Variants in FAM120A observed in about 807,000 individuals in gnomAD.
FAM120A encodes family with sequence similarity 120 member A.
In FAM120A, 15 loss-of-function variants were observed where a neutral mutation model predicts 109.7. The observed-to-expected ratio is 0.14, with a 90% CI of 0.09 to 0.21. The LOEUF (loss-of-function observed/expected upper bound fraction) is 0.21, where lower values mean the gene tolerates loss of function less well. Ranked by LOEUF, FAM120A falls within the 10% of genes least tolerant of loss-of-function variation. The pLI, the probability that FAM120A is intolerant of heterozygous loss-of-function variation, is 1.00. For missense variants in FAM120A, 899 were observed against 1,439.3 expected (o/e 0.62, Z 6.07); for synonymous variants, 493 against 572.8 (o/e 0.86, Z 1.99).
intron 7 of FAM120A, among the ~76,000 whole-genome samples, chr9:93,521,994 T>C (rs1860866746): frequency 6.6e-6 from 1 of 152,138 alleles, no homozygotes. Context: ...GTAGGAGAAT[T>C]GCTTGAACCT....
chr9:93,459,728 AG>A (rs1334948933), intron 1 of FAM120A, among the ~76,000 whole-genome samples: 1 of 140,496 alleles, frequency 7.1e-6, no homozygotes, highest in African/African-American at 3.0e-5. Context: ...CAGTGCCTGG[AG>A]GCATTTTTGG....
chr9:93,495,110 G>A (rs572091039), intron 3 of FAM120A, among the ~76,000 whole-genome samples: 1 of 152,200 alleles, frequency 6.6e-6, no homozygotes, highest in Non-Finnish European at 1.5e-5. Flanking sequence ...GGCATTGTGT[G>A]GTGGGCAGCA....
chr9:93,491,511 A>T (rs1859320520), intron 3 of FAM120A, among the ~76,000 whole-genome samples: 1 of 152,226 alleles, frequency 6.6e-6, no homozygotes, highest in Non-Finnish European at 1.5e-5. Flanking sequence ...ACATAAGAGG[A>T]TATTTTTGCA....
chr9:93,504,447 G>A (rs1186299416), intron 5 of FAM120A, among the ~76,000 whole-genome samples: 1 of 151,950 alleles, frequency 6.6e-6, no homozygotes, highest in African/African-American at 2.4e-5. Flanking sequence ...TGCATTCCTC[G>A]ACTCTCTACC....
intron 1 of FAM120A, among the ~76,000 whole-genome samples, chr9:93,467,904 G>A (rs1472584270): frequency 1.3e-5 from 2 of 151,008 alleles, no homozygotes; most frequent in Non-Finnish European, 2.9e-5. Flanking sequence ...TTTTTGAGAC[G>A]GAGTTTCGCT....
chr9:93,536,287 G>A (rs572729932), intron 10 of FAM120A, among the ~76,000 whole-genome samples: 4 of 152,318 alleles, frequency 2.6e-5, no homozygotes, highest in South Asian at 2.1e-4. Flanking sequence ...GTGAAGGATC[G>A]TTCTCCTCCG....
intron 5 of FAM120A, among the ~76,000 whole-genome samples, chr9:93,499,229 T>C (rs1326370213): frequency 2.6e-5 from 4 of 152,052 alleles, no homozygotes; most frequent in African/African-American, 9.7e-5. Context: ...CTGCAAGTGA[T>C]TTCATAAATG....
intron 1 of FAM120A, among the ~76,000 whole-genome samples, chr9:93,465,333 A>G (rs909902473): frequency 6.6e-6 from 1 of 152,214 alleles, no homozygotes; most frequent in African/African-American, 2.4e-5. Flanking sequence ...TATTCTTAGT[A>G]GTTTGACTGC....
At chr9:93,505,319 C>T (rs1014843710) in intron 5 of FAM120A, among the ~76,000 whole-genome samples, 3 of 152,014 alleles carry the variant, frequency 2.0e-5, no homozygotes, top group Non-Finnish European at 2.9e-5. Flanking sequence ...CTCGGCCTCC[C>T]GAAATGCTGG....
intron 12 of FAM120A, 29 bp downstream of exon 12, chr9:93,550,720 T>TG (rs1862068209): frequency 6.4e-7 from 1 of 1,564,702 alleles, no homozygotes; most frequent in South Asian, 1.1e-5. Flanking sequence ...TGCATTGTCT[T>TG]GGACAGTCTC....
At chr9:93,564,004 G>T (rs1862555381) in intron 17 of FAM120A, among the ~76,000 whole-genome samples, 1 of 152,240 alleles carries the variant, frequency 6.6e-6, no homozygotes, top group Non-Finnish European at 1.5e-5. Context: ...CATTTTCAGG[G>T]TGTTAACTAC....
At chr9:93,464,986 A>G (rs557787595) in intron 1 of FAM120A, among the ~76,000 whole-genome samples, 2 of 152,360 alleles carry the variant, frequency 1.3e-5, no homozygotes, top group East Asian at 1.9e-4. Flanking sequence ...CAAGCCAGGC[A>G]TTGGAAGGCC....
At chr9:93,485,588 A>G (rs1008740026) in intron 3 of FAM120A, among the ~76,000 whole-genome samples, 2 of 151,786 alleles carry the variant, frequency 1.3e-5, no homozygotes, top group South Asian at 2.1e-4. Context: ...ACAGAGTAAG[A>G]CCCTATCTCC....
chr9:93,468,179 C>T (rs189511768), intron 1 of FAM120A, among the ~76,000 whole-genome samples: 4 of 152,286 alleles, frequency 2.6e-5, no homozygotes, highest in East Asian at 3.9e-4. Flanking sequence ...CCACTGCGCC[C>T]GGCTACCACC....
chr9:93,468,711 T>G (rs922064882), intron 1 of FAM120A, among the ~76,000 whole-genome samples: 1 of 152,258 alleles, frequency 6.6e-6, no homozygotes, highest in Admixed American at 6.5e-5. Flanking sequence ...GTAGTGGCTG[T>G]GTCTATCTCC....
At position 93,561,092 on chromosome 9, in the gene FAM120A, G is replaced by A; in HGVS notation, c.2807-17G>A. 1 of 1,610,752 alleles carries A rather than the reference G, an allele frequency of 6.2e-7. No homozygotes were observed. The highest frequency in any genetic ancestry group is 8.5e-7 in the Non-Finnish European group (1 of 1,178,812). On this transcript the variant is annotated splice_polypyrimidine_tract_variant and intron_variant, in intron 15 of 17. Transcript: ENST00000277165. ...GTGATTGTAAAGATTTTGTCTTTTT[G>A]TATATTTTTTATGCAGGAGTCCAAC... is the stretch of plus-strand genomic sequence containing the variant.
At chr9:93,510,025 T>C (rs1860239066) in intron 5 of FAM120A, among the ~76,000 whole-genome samples, 2 of 152,350 alleles carry the variant, frequency 1.3e-5, no homozygotes, top group South Asian at 4.1e-4. Flanking sequence ...CTAATGCAGA[T>C]GACGTTGATG....
intron 17 of FAM120A, 116 bp from the exon 18 acceptor site, chr9:93,564,113 G>A (rs531897207): frequency 9.8e-7 from 1 of 1,019,334 alleles, no homozygotes; most frequent in African/African-American, 1.6e-5. Flanking sequence ...GAAGGACCCA[G>A]CTGGGCATTT....
chr9:93,500,485 C>G lies in FAM120A; in HGVS notation c.1030+1599C>G, dbSNP rs1859753307. ...GCCTGGCTTTAAATCTCTGCACACT[C>G]CTTGGCTTCTATTTGTCACCACCAC... On this transcript the variant is annotated intron_variant, in intron 5 of 17. Transcript: ENST00000277165. The surrounding 1 kb of genome is among the most constrained non-coding windows in gnomAD (Gnocchi z 4.6). Among the ~76,000 whole-genome samples, 1 of 152,194 alleles carries G rather than the reference C, an allele frequency of 6.6e-6. No individual in the cohort carries two copies. The highest frequency in any genetic ancestry group is 2.1e-4 in the South Asian group (1 of 4,828).
Sources: allele counts gnomAD v4.1 joint callset (sites outside exome capture counted in the v4.1 genomes callset), GRCh38; gene constraint gnomAD v4.1.1; non-coding constraint Gnocchi (gnomAD v3.1); transcripts MANE v1.5; gene names NCBI Gene and HGNC (gene_info 2026-07-23, HGNC 2026-07-21).